TCF7L2: variants seen among roughly 807,000 people sequenced by gnomAD.
The protein encoded by TCF7L2 is transcription factor 7 like 2.
A neutral mutation model predicts 77.9 loss-of-function variants in TCF7L2; 23 were observed. The observed-to-expected ratio is 0.30, with a 90% CI of 0.21 to 0.42. The LOEUF is 0.42. Among genes scored for constraint, TCF7L2 ranks in the 10% least tolerant of loss-of-function variants. The pLI, the probability that TCF7L2 is intolerant of heterozygous loss-of-function variation, is 1.00. For missense variants in TCF7L2, 654 were observed against 793.1 expected, an observed-to-expected ratio of 0.82 and a Z score of 2.11; for synonymous variants, 413 against 340.2, an observed-to-expected ratio of 1.21 and a Z score of -2.36.
chr10:113,027,099 T>C (rs2049321018), intron 4 of TCF7L2, among the ~76,000 whole-genome samples: 1 of 152,216 alleles, frequency 6.6e-6, no homozygotes. Context: ...GGTCCTTGCT[T>C]TGGAATGAGT....
At chr10:112,960,175 A>G (rs1467221298) in intron 3 of TCF7L2, among the ~76,000 whole-genome samples, 5 of 152,152 alleles carry the variant, frequency 3.3e-5, no homozygotes, top group African/African-American at 1.2e-4. Flanking sequence ...TGAGGAGGAG[A>G]TTCCTGTGGT....
intron 5 of TCF7L2, among the ~76,000 whole-genome samples, chr10:113,073,129 T>TGTGTGTGTGTGTGAGAGAGAGAGA (rs56927661): frequency 8.1e-6 from 1 of 123,484 alleles, no homozygotes; most frequent in Non-Finnish European, 1.7e-5. Context: ...TGTGTGTGTG[T>TGTGTGTGTGTGTGAGAGAGAGAGA]GAGAGAGAGA....
intron 8 of TCF7L2, among the ~76,000 whole-genome samples, chr10:113,146,974 A>G (rs1426185337): frequency 2.0e-5 from 3 of 152,174 alleles, no homozygotes; most frequent in African/African-American, 4.8e-5. Context: ...TATTTACAAG[A>G]TACATTCCTA....
Position 112,964,603 on chromosome 10 carries a change from T to G in TCF7L2, c.429T>G (p.Ile143Met). The change falls in exon 4 of 14, where the codon ATT (isoleucine) becomes ATG (methionine). Residue 143 changes from isoleucine to methionine, a missense_variant. Around this residue, in one of 6 missense-constraint regions of TCF7L2, gnomAD observed 132 missense variants for 123.7 expected, o/e 1.07. Transcript: ENST00000627217. ...CACATTACTCTGCGTACAAAACGAT[T>G]GAACACCAGATTGCAGTTCAGGTAG... The G allele has an allele frequency of 5.0e-6, 8 of 1,613,522 alleles. No homozygotes were observed. The highest frequency in any genetic ancestry group is 6.8e-6 in the Non-Finnish European group (8 of 1,179,548).
chr10:113,012,245 CA>C lies in TCF7L2; in HGVS notation c.451-27777del, dbSNP rs1244941396. 9.4e-4 allele frequency among the ~76,000 whole-genome samples: 143 copies of C among 152,260 alleles called. 2 individuals are homozygous for C. Among genetic ancestry groups the C allele is most frequent in the African/African-American group, 3.3e-3 (135 of 41,536 alleles). On this transcript the variant is annotated intron_variant, in intron 4 of 13. Coordinates refer to ENST00000627217, the MANE Select transcript of TCF7L2 (RefSeq NM_001146274.2). ...GTTATAAAACCTGCCCAGGTGATTC[CA>C]AAGTGTGGGAACCTTTGAGAAGCAC...
At chr10:113,112,815 G>A (rs1407347392) in intron 5 of TCF7L2, among the ~76,000 whole-genome samples, 2 of 152,168 alleles carry the variant, frequency 1.3e-5, no homozygotes, top group African/African-American at 2.4e-5. Context: ...TGTGTTTTAA[G>A]CTTATGAGGC....
chr10:112,960,710 G>A (rs1478355598), intron 3 of TCF7L2, among the ~76,000 whole-genome samples: 1 of 148,134 alleles, frequency 6.8e-6, no homozygotes, highest in East Asian at 2.0e-4. Context: ...TTTTTGAGAT[G>A]GAGTTTCGCT....
chr10:112,975,516 C>T (rs148843876), intron 4 of TCF7L2, among the ~76,000 whole-genome samples: 1 of 152,148 alleles, frequency 6.6e-6, no homozygotes, highest in Non-Finnish European at 1.5e-5. Context: ...GAGTCTCACT[C>T]TATTGCTTAG....
At chr10:112,953,429 G>C (rs2032576901) in intron 3 of TCF7L2, among the ~76,000 whole-genome samples, 6 of 152,098 alleles carry the variant, frequency 3.9e-5, no homozygotes, top group Admixed American at 3.9e-4. Context: ...CATCTTAAAC[G>C]GGACCGTTCG....
rs2051137820 is a variant in TCF7L2, at chr10:113,036,013, A to T, written c.451-4012A>T. ...CTTGCCCCGTCCATCTGTGGAGCAG[A>T]GTCACTGAAAGGAAATACTGGAAAT... On this transcript the variant is annotated intron_variant, in intron 4 of 13. Coordinates refer to ENST00000627217, the MANE Select transcript of TCF7L2 (RefSeq NM_001146274.2). 2.0e-5 allele frequency among the ~76,000 whole-genome samples: 3 copies of T among 152,146 alleles called. No homozygotes were observed. In the South Asian group the frequency reaches 6.2e-4, roughly 31 times the overall value.
intron 5 of TCF7L2, among the ~76,000 whole-genome samples, chr10:113,130,752 A>AATT (rs147371098): frequency 0.23 from 33,781 of 148,804 alleles, 4,154 homozygotes; most frequent in Middle Eastern, 0.33. Flanking sequence ...CTTTTTAAAA[A>AATT]ATTATTATTA....
chr10:113,157,396 G>A (rs2072165442), intron 11 of TCF7L2, among the ~76,000 whole-genome samples: 1 of 152,178 alleles, frequency 6.6e-6, no homozygotes, highest in Non-Finnish European at 1.5e-5. Context: ...AGGATTATAG[G>A]CGTCAGCCAC....
intron 5 of TCF7L2, among the ~76,000 whole-genome samples, chr10:113,050,381 A>G (rs1345655033): frequency 6.6e-6 from 1 of 152,070 alleles, no homozygotes; most frequent in African/African-American, 2.4e-5. Flanking sequence ...ATTGTCCCAG[A>G]GGTGGGGGTG....
intron 5 of TCF7L2, among the ~76,000 whole-genome samples, chr10:113,135,717 C>T (rs2067294879): frequency 6.6e-6 from 1 of 152,182 alleles, no homozygotes; most frequent in Non-Finnish European, 1.5e-5. Flanking sequence ...CCCTTCCATC[C>T]CCAGTCTTCC....
intron 4 of TCF7L2, among the ~76,000 whole-genome samples, chr10:112,991,255 C>T (rs1013078913): frequency 6.6e-6 from 1 of 151,760 alleles, no homozygotes; most frequent in Non-Finnish European, 1.5e-5. Flanking sequence ...CCTGGCCGGG[C>T]GCGGTGGCTC....
intron 3 of TCF7L2, among the ~76,000 whole-genome samples, chr10:112,959,565 G>T (rs572781725): frequency 6.6e-6 from 1 of 152,216 alleles, no homozygotes; most frequent in Non-Finnish European, 1.5e-5. Context: ...CTGTCGTTAA[G>T]TTATTGTTTA....
intron 3 of TCF7L2, among the ~76,000 whole-genome samples, chr10:112,961,262 C>CCCCA (rs1564713193): frequency 7.6e-6 from 1 of 130,772 alleles, no homozygotes; most frequent in African/African-American, 3.2e-5. Context: ...TGACCCCCCC[C>CCCCA]CCCCCAACCT....
At chr10:113,070,550 C>G (rs1210245045) in intron 5 of TCF7L2, among the ~76,000 whole-genome samples, 1 of 152,082 alleles carries the variant, frequency 6.6e-6, no homozygotes, top group African/African-American at 2.4e-5. Flanking sequence ...GTGCCAGGCA[C>G]TGTGCTAGGC....
intron 4 of TCF7L2, among the ~76,000 whole-genome samples, chr10:112,973,378 C>G (rs552108289): frequency 7.2e-5 from 11 of 152,132 alleles, no homozygotes; most frequent in Non-Finnish European, 7.4e-5. Context: ...CAGGCCCTGC[C>G]CTAGACCAAC....
Sources: allele counts gnomAD v4.1 joint callset (sites outside exome capture counted in the v4.1 genomes callset), GRCh38; gene constraint gnomAD v4.1.1; regional missense constraint gnomAD v4.1.1; transcripts MANE v1.5; gene names NCBI Gene and HGNC (gene_info 2026-07-23, HGNC 2026-07-21).